Variants in ARID1B observed in about 807,000 individuals in gnomAD.
ARID1B encodes the protein AT-rich interaction domain 1B.
A neutral mutation model predicts 212.3 loss-of-function variants in ARID1B; 30 were observed. The ratio of observed to expected loss-of-function variants is 0.14; its 90% CI spans 0.11 to 0.19. The LOEUF (loss-of-function observed/expected upper bound fraction) is 0.19. Among genes scored for constraint, ARID1B ranks in the 10% least tolerant of loss-of-function variants. The pLI is 1.00. For missense variants in ARID1B, 2,891 were observed against 3,204.0 expected (o/e 0.90, Z 2.36); for synonymous variants, 1,402 against 1,301.7 (o/e 1.08, Z -1.66).
At chr6:157,102,686 T>G (rs1211364041) in intron 5 of ARID1B, among the ~76,000 whole-genome samples, 1 of 131,856 alleles carries the variant, frequency 7.6e-6, no homozygotes, top group Non-Finnish European at 1.6e-5. Context: ...AATCTCTGCC[T>G]CCCGGGTTCA....
At chr6:157,197,307 C>T (rs371528363) in intron 16 of ARID1B, among the ~76,000 whole-genome samples, 2 of 152,350 alleles carry the variant, frequency 1.3e-5, no homozygotes, top group East Asian at 3.9e-4. Flanking sequence ...TCGCGGCCTT[C>T]GGAAGCTGCG....
rs1784849598 is a variant in ARID1B, at chr6:157,084,690, C to A, written c.2276C>A (p.Pro759His). ...CTGTCTGGCTCCATTGATGACCTCC[C>A]CACGGGAACGGAAGCAACTTTGAGC... Reference protein sequence around the residue: ...PDLSGSIDDLPTGTEATLSSA... With the variant: ...PDLSGSIDDLHTGTEATLSSA... The change falls in exon 5 of 20, where the codon CCC becomes CAC. Residue 759 changes from proline to histidine, a missense_variant. Coordinates refer to ENST00000636930, the MANE Select transcript of ARID1B (RefSeq NM_001374828.1). The A allele has an allele frequency of 6.2e-7, 1 of 1,614,014 alleles. No individual in the cohort carries two copies. Among genetic ancestry groups the A allele is most frequent in the African/African-American group, 1.3e-5 (1 of 74,900 alleles).
intron 4 of ARID1B, among the ~76,000 whole-genome samples, chr6:157,039,882 T>TTTCCCTTCCTTC (rs1554287391): frequency 1.5e-5 from 1 of 67,230 alleles, no homozygotes; most frequent in Non-Finnish European, 3.1e-5. Context: ...CTTTCTTTTC[T>TTTCCCTTCCTTC]CTTCCTTCCT....
At position 156,891,736 on chromosome 6, in the gene ARID1B, T is replaced by TCC. The variant is rs375927292; in HGVS notation, c.1987-9634_1987-9633dup. On this transcript the variant is annotated intron_variant, in intron 2 of 19. Coordinates refer to ENST00000636930, the MANE Select transcript of ARID1B (RefSeq NM_001374828.1). Reference sequence around the variant, plus strand: ...GAATCCTCACCTCTGCTCTTTTTTTTCCCCCCCTCAAACCAGTTCCCTGTT... The same window carrying TCC: ...GAATCCTCACCTCTGCTCTTTTTTTTCCCCCCCCCTCAAACCAGTTCCCTGTT... Among the ~76,000 whole-genome samples, 313 of 151,758 alleles carry TCC rather than the reference T, an allele frequency of 2.1e-3. 1 individual carries two copies. Among genetic ancestry groups the TCC allele is most frequent in the South Asian group, 4.4e-3 (21 of 4,810 alleles).
intron 13 of ARID1B, 67 bp downstream of exon 13, chr6:157,184,502 A>C: frequency 6.3e-7 from 1 of 1,581,950 alleles, no homozygotes; most frequent in Non-Finnish European, 8.6e-7. Flanking sequence ...GGTTCCGGGA[A>C]GGTGGTTTCA....
intron 4 of ARID1B, among the ~76,000 whole-genome samples, chr6:157,032,501 T>C (rs1244974986): frequency 6.6e-6 from 1 of 152,216 alleles, no homozygotes; most frequent in Non-Finnish European, 1.5e-5. Context: ...GATATTGATA[T>C]GTAATGGAAG....
At chr6:157,134,932 T>C (rs1360024077) in intron 7 of ARID1B, among the ~76,000 whole-genome samples, 1 of 152,106 alleles carries the variant, frequency 6.6e-6, no homozygotes, top group Admixed American at 6.5e-5. Flanking sequence ...GAAATTTGTC[T>C]CCATACTCTC....
intron 4 of ARID1B, chr6:156,938,911 T>C (rs1176391399): frequency 2.0e-5 from 3 of 151,968 alleles, no homozygotes; most frequent in Non-Finnish European, 4.4e-5. Context: ...CTAACTTAGA[T>C]AGACCTTCAC....
chr6:156,837,582 T>A (rs2128073036), intron 2 of ARID1B, among the ~76,000 whole-genome samples: 1 of 152,324 alleles, frequency 6.6e-6, no homozygotes, highest in South Asian at 2.1e-4. Context: ...TGGCAAAAAA[T>A]TCTTTATGGC....
intron 5 of ARID1B, among the ~76,000 whole-genome samples, chr6:157,085,270 T>C (rs1370172244): frequency 6.6e-6 from 1 of 152,204 alleles, no homozygotes; most frequent in Non-Finnish European, 1.5e-5. Flanking sequence ...ATTGGCCTTA[T>C]TTTTTTGTGG....
At chr6:156,863,319 G>A (rs1785463769) in intron 2 of ARID1B, among the ~76,000 whole-genome samples, 2 of 152,134 alleles carry the variant, frequency 1.3e-5, no homozygotes, top group South Asian at 4.2e-4. Flanking sequence ...AACGAGGCAG[G>A]ACAGGGAAGT....
Position 156,779,175 on chromosome 6 carries a change from A to G in ARID1B, c.1495A>G (p.Thr499Ala). Residue 499 changes from threonine (T) to alanine (A), a missense_variant, in exon 1 of 20, where the codon ACC becomes GCC. By Grantham distance (58) the Thr-to-Ala change is moderately conservative. Transcript: ENST00000636930. Reference sequence around the variant, plus strand: ...CCAGAACCAGCACCCGTCGGGGGCCACCCCGACCCTCAATCAGCTGCTCAC... The same window carrying G: ...CCAGAACCAGCACCCGTCGGGGGCCGCCCCGACCCTCAATCAGCTGCTCAC... ...AGQNQHPSGA[T>A]PTLNQLLTSP... The G allele has an allele frequency of 3.0e-6, 4 of 1,318,708 alleles. No homozygotes were observed. Among genetic ancestry groups the G allele is most frequent in the Non-Finnish European group, 1.9e-6 (2 of 1,025,930 alleles). 81.7% of individuals were successfully genotyped at this position (1,318,708 alleles called of 1,614,324 possible). A position where few individuals can be genotyped will look rare whatever the true frequency, so the allele number is the denominator to read the frequency against.
chr6:156,935,542 A>G lies in ARID1B; in HGVS notation c.2213A>G (p.Asn738Ser). ...APGKPNHEDL[N>S]LIQQERPSSL... ...GGAAAACCTAACCATGAAGACTTGA[A>G]CTTAATACAGCAAGAAAGACCATCA... The change falls in exon 4 of 20, where the codon AAC (asparagine) becomes AGC (serine). Residue 738 changes from asparagine to serine, a missense_variant. Transcript: ENST00000636930. The G allele has an allele frequency of 6.2e-7, 1 of 1,613,670 alleles. No homozygotes were observed. The highest frequency in any genetic ancestry group is 8.5e-7 in the Non-Finnish European group (1 of 1,179,568).
chr6:156,895,058 A>G (rs1788272486), intron 2 of ARID1B, among the ~76,000 whole-genome samples: 1 of 152,204 alleles, frequency 6.6e-6, no homozygotes, highest in African/African-American at 2.4e-5. Context: ...TGAGTTTGAG[A>G]AATCTTGGAT....
chr6:157,184,641 C>T (rs1455380546), intron 13 of ARID1B: 1 of 629,012 alleles, frequency 1.6e-6, no homozygotes, highest in Admixed American at 3.0e-5. Context: ...ATGGCCATTT[C>T]TGGTTGACAC....
At chr6:157,044,979 T>C (rs1782134528) in intron 4 of ARID1B, among the ~76,000 whole-genome samples, 1 of 152,156 alleles carries the variant, frequency 6.6e-6, no homozygotes, top group Admixed American at 6.5e-5. Flanking sequence ...TTATATAATA[T>C]ATAAATGTTC....
At chr6:156,925,679 C>G (rs1791158323) in intron 3 of ARID1B, among the ~76,000 whole-genome samples, 1 of 151,986 alleles carries the variant, frequency 6.6e-6, no homozygotes, top group African/African-American at 2.4e-5. Flanking sequence ...GGATTAGTTG[C>G]AGTTAAAAAG....
Position 156,813,525 on chromosome 6 carries a change from C to G in ARID1B, c.1792-15702C>G, listed in dbSNP as rs370216920. On this transcript the variant is annotated intron_variant, in intron 1 of 19. Coordinates refer to ENST00000636930, the MANE Select transcript of ARID1B (RefSeq NM_001374828.1). ...ACTGCTCTAAACAATTTCTGATATACTGTAGAATCCTGTTACAGGAAGTAG... is the reference window on the plus strand; with the variant it reads ...ACTGCTCTAAACAATTTCTGATATAGTGTAGAATCCTGTTACAGGAAGTAG... 2.7e-4 allele frequency among the ~76,000 whole-genome samples: 41 copies of G among 152,270 alleles called. No individual in the cohort carries two copies. The South Asian group carries it at 8.3e-3, about 31-fold the overall frequency.
At chr6:156,782,977 GTT>G (rs529473675) in intron 1 of ARID1B, among the ~76,000 whole-genome samples, 1 of 145,222 alleles carries the variant, frequency 6.9e-6, no homozygotes, top group Admixed American at 6.9e-5. Flanking sequence ...TATTTTGGTA[GTT>G]TTTTTTTTTT....
Sources: gnomAD v4.1 joint callset for allele counts (sites outside exome capture counted in the v4.1 genomes callset) on GRCh38, gnomAD v4.1.1 for gene constraint, MANE v1.5 for transcripts, NCBI Gene and HGNC (gene_info 2026-07-23, HGNC 2026-07-21) for gene names.